The following ABL1 variants were observed in gnomAD, a reference collection of about 807,000 sequenced individuals.
ABL1 encodes the protein ABL proto-oncogene 1, non-receptor tyrosine kinase, also known as tyrosine-protein kinase ABL1.
A neutral mutation model predicts 94.7 loss-of-function variants in ABL1; 11 were observed. That is an observed-to-expected ratio of 0.12 (90% CI 0.07 to 0.19). ABL1 has a LOEUF of 0.19. Among genes scored for constraint, ABL1 ranks in the 10% least tolerant of loss-of-function variants. The pLI is 1.00. For missense variants in ABL1, 1,082 were observed against 1,489.4 expected (o/e 0.73, Z 4.50); for synonymous variants, 656 against 622.4 (o/e 1.05, Z -0.80).
intron 1 of ABL1, among the ~76,000 whole-genome samples, chr9:130,763,370 T>C (rs1832141603): frequency 6.6e-6 from 1 of 152,172 alleles, no homozygotes; most frequent in Non-Finnish European, 1.5e-5. Context: ...CTTAACACAA[T>C]GCCTACAATA....
chr9:130,768,984 G>A (rs1832217862), intron 1 of ABL1, among the ~76,000 whole-genome samples: 2 of 152,168 alleles, frequency 1.3e-5, no homozygotes, highest in Non-Finnish European at 2.9e-5. Flanking sequence ...CTGTAAATAT[G>A]TTGAGAAAGG....
intron 1 of ABL1, among the ~76,000 whole-genome samples, chr9:130,776,252 T>TTC (rs1489244153): frequency 6.6e-6 from 1 of 152,230 alleles, no homozygotes; most frequent in Non-Finnish European, 1.5e-5. Flanking sequence ...GTCCTGTTAA[T>TTC]ACTCAATCCT....
chr9:130,848,536 A>T (rs898707916), intron 1 of ABL1, among the ~76,000 whole-genome samples: 70 of 148,464 alleles, frequency 4.7e-4, no homozygotes, highest in African/African-American at 1.4e-3. Context: ...AAAAAAAAAA[A>T]TTTCAATTGG....
Position 130,885,539 on chromosome 9 carries a change from C to G in ABL1, c.3249C>G (p.Phe1083Leu). The G allele has an allele frequency of 6.2e-7, 1 of 1,614,152 alleles. No individual in the cohort carries two copies. Among genetic ancestry groups the G allele is most frequent in the South Asian group, 1.1e-5 (1 of 91,088 alleles). The change falls in exon 11 of 11, where the codon TTC becomes TTG. Residue 1083 changes from phenylalanine (F) to leucine (L), a missense_variant. Phe to Leu is a conservative substitution (Grantham distance 22). Transcript: ENST00000318560. Reference protein sequence around the residue: ...SIQQMRNKFAFREAINKLENN... With the variant: ...SIQQMRNKFALREAINKLENN... ...AGCAAATGAGGAACAAGTTTGCCTT[C>G]CGAGAGGCCATCAACAAACTGGAGA...
chr9:130,745,615 G>A (rs542091852), intron 1 of ABL1, among the ~76,000 whole-genome samples: 1 of 151,796 alleles, frequency 6.6e-6, no homozygotes, highest in African/African-American at 2.4e-5. Flanking sequence ...TCACATTTAG[G>A]TTTCTCACTC....
At chr9:130,836,615 G>A (rs1238612270) in intron 1 of ABL1, among the ~76,000 whole-genome samples, 1 of 152,058 alleles carries the variant, frequency 6.6e-6, no homozygotes, top group Admixed American at 6.5e-5. Context: ...TTTGAGGTCA[G>A]GATTTCGAGA....
chr9:130,862,885 T>G lies in ABL1; in HGVS notation c.672T>G (p.Thr224=). The G allele has an allele frequency of 6.2e-7, 1 of 1,614,152 alleles. No individual in the cohort carries two copies. The highest frequency in any genetic ancestry group is 8.5e-7 in the Non-Finnish European group (1 of 1,180,028). ...CAGCCCCAAAGCGCAACAAGCCCAC[T>G]GTCTATGGTGTGTCCCCCAACTACG... ...HYPAPKRNKP[T]VYGVSPNYDK... The change falls in exon 4 of 11, where the codon ACT becomes ACG. Residue 224 remains threonine (T), a synonymous_variant. Transcript: ENST00000318560. The surrounding 1 kb of genome is among the most constrained non-coding windows in gnomAD (Gnocchi z 5.5).
intron 7 of ABL1, among the ~76,000 whole-genome samples, chr9:130,877,239 G>C (rs1215771275): frequency 6.7e-6 from 1 of 148,298 alleles, no homozygotes; most frequent in Non-Finnish European, 1.5e-5. Flanking sequence ...CAAATGACAA[G>C]CTATTGCAGG....
At chr9:130,773,246 G>A (rs571575850) in intron 1 of ABL1, among the ~76,000 whole-genome samples, 27 of 152,254 alleles carry the variant, frequency 1.8e-4, no homozygotes, top group African/African-American at 6.0e-4. Flanking sequence ...TTGAACCTGG[G>A]AAGTGGAGGT....
intron 1 of ABL1, among the ~76,000 whole-genome samples, chr9:130,823,321 T>C (rs995793067): frequency 6.6e-6 from 1 of 152,180 alleles, no homozygotes; most frequent in Non-Finnish European, 1.5e-5. Context: ...CACCTCTCCT[T>C]CTATTAACAG....
intron 1 of ABL1, among the ~76,000 whole-genome samples, chr9:130,757,413 T>C (rs1430440028): frequency 6.6e-6 from 1 of 151,934 alleles, no homozygotes; most frequent in Non-Finnish European, 1.5e-5. Flanking sequence ...ATACAAAAAT[T>C]AGCTGGGGCA....
intron 1 of ABL1, among the ~76,000 whole-genome samples, chr9:130,800,937 T>G (rs1316145278): frequency 2.0e-5 from 3 of 151,532 alleles, no homozygotes; most frequent in Non-Finnish European, 4.4e-5. Context: ...CCTTTTTTTT[T>G]TTTTCTTTTT....
At chr9:130,753,083 C>T (rs1202906217) in intron 1 of ABL1, among the ~76,000 whole-genome samples, 2 of 151,900 alleles carry the variant, frequency 1.3e-5, no homozygotes, top group South Asian at 2.1e-4. Context: ...GGTGAAACCC[C>T]GTCTCTACCA....
rs377265741 is a variant in ABL1, at chr9:130,869,622, C to T, written c.823-2507C>T. On this transcript the variant is annotated intron_variant, in intron 4 of 10. Coordinates refer to ENST00000318560, the MANE Select transcript of ABL1 (RefSeq NM_005157.6). ...CCCTCCCTAACAAGCACAGAAGAGA[C>T]CAGGCTGAAAATTCATAGCTTTCAC... Among the ~76,000 whole-genome samples, 3 of 152,152 alleles carry T rather than the reference C, an allele frequency of 2.0e-5. No homozygotes were observed. The South Asian group carries it at 6.2e-4, about 32-fold the overall frequency.
intron 1 of ABL1, among the ~76,000 whole-genome samples, chr9:130,821,308 C>G (rs1830359823): frequency 6.6e-6 from 1 of 152,142 alleles, no homozygotes; most frequent in Admixed American, 6.5e-5. Context: ...ACCCCCACTT[C>G]CAGCCCCAGG....
intron 1 of ABL1, among the ~76,000 whole-genome samples, chr9:130,793,663 A>C (rs1829937172): frequency 6.6e-6 from 1 of 152,166 alleles, no homozygotes; most frequent in Non-Finnish European, 1.5e-5. Context: ...TTTCAAACAC[A>C]AGCCACCACT....
chr9:130,768,618 A>G (rs763698862), intron 1 of ABL1, among the ~76,000 whole-genome samples: 20 of 152,230 alleles, frequency 1.3e-4, no homozygotes, highest in Non-Finnish European at 2.8e-4. Context: ...CTGATGGCCA[A>G]GGCTCTGTCT....
chr9:130,886,926 G>C lies in ABL1; in HGVS notation c.*1243G>C, dbSNP rs1421815677. ...CGTGAGTGACATAGCCTCATGTTCT[G>C]TGGGGGTCATCAGGGAGGGTTAGGA... is the stretch of plus-strand genomic sequence containing the variant. On this transcript the variant is annotated 3_prime_UTR_variant, in exon 11 of 11. Transcript: ENST00000318560. The C allele has an allele frequency of 1.7e-5, 4 of 232,894 alleles. No individual in the cohort carries two copies. The highest frequency in any genetic ancestry group is 3.4e-5 in the Non-Finnish European group (4 of 117,826). The allele number at this position is 232,894 out of a possible 1,614,324, so 14.4% of individuals were successfully genotyped here.
chr9:130,787,592 C>T (rs927778495), intron 1 of ABL1, among the ~76,000 whole-genome samples: 3 of 152,210 alleles, frequency 2.0e-5, no homozygotes, highest in African/African-American at 7.2e-5. Context: ...GAGAGGGGCT[C>T]AGGAAGGAGG....
Sources: allele counts gnomAD v4.1 joint callset (sites outside exome capture counted in the v4.1 genomes callset), GRCh38; gene constraint gnomAD v4.1.1; non-coding constraint Gnocchi (gnomAD v3.1); transcripts MANE v1.5; gene names NCBI Gene and HGNC (gene_info 2026-07-23, HGNC 2026-07-21).